MSL2: variants seen among roughly 807,000 people sequenced by gnomAD.
MSL2 encodes MSL complex subunit 2, also known as E3 ubiquitin-protein ligase MSL2.
A neutral mutation model predicts 35.8 loss-of-function variants in MSL2; 2 were observed. The observed-to-expected ratio is 0.06, with a 90% CI of 0.02 to 0.18. The LOEUF is 0.18. Among genes scored for constraint, MSL2 ranks in the 10% least tolerant of loss-of-function variants. The probability of loss-of-function intolerance (pLI) is 1.00; values close to 1 mark genes in which losing one functional copy is unlikely to be tolerated. For missense variants in MSL2, 523 were observed against 706.7 expected (o/e 0.74, Z 2.95); for synonymous variants, 296 against 255.7 (o/e 1.16, Z -1.50).
intron 1 of MSL2, among the ~76,000 whole-genome samples, chr3:136,169,606 G>A (rs1373585292): frequency 7.2e-5 from 11 of 151,846 alleles, no homozygotes; most frequent in African/African-American, 9.7e-5. Flanking sequence ...ACACCACCAC[G>A]CCCAGCTAAT....
In MSL2 at chr3:136,172,091, G is replaced by A. The variant is rs147350312; in HGVS notation, c.143-19353C>T. ...CTCCCAAAGGGCTGGGATTACAGGC[G>A]TGAGCCACCGCACCTGGCCTGTATA... On this transcript the variant is annotated intron_variant, in intron 1 of 1. Transcript: ENST00000309993. 1.7e-3 allele frequency among the ~76,000 whole-genome samples: 260 copies of A among 152,218 alleles called. 7 individuals carry two copies. In the East Asian group the frequency reaches 0.047, roughly 28 times the overall value.
intron 1 of MSL2, among the ~76,000 whole-genome samples, chr3:136,189,108 C>CAAAAAAAAAAAAA (rs372715974): frequency 7.8e-5 from 3 of 38,608 alleles, no homozygotes; most frequent in African/African-American, 3.0e-4. Context: ...CCTGTCTCTA[C>CAAAAAAAAAAAAA]AAAAAAAAAA....
rs754609551 is a variant in MSL2 at position 136,152,015 on chromosome 3, T to C, written c.866A>G (p.Asn289Ser). ...AGTGGCTTCCAAGTTCGGCTGCAAA[T>C]TAGGGCAACAGACCTCTGTATTTGA... is the stretch of plus-strand genomic sequence containing the variant. ...TVSNTEVCCP[N>S]LQPNLEATVS... The change falls in exon 2 of 2, where the codon AAT (asparagine) becomes AGT (serine). Residue 289 changes from asparagine to serine, a missense_variant. Coordinates refer to ENST00000309993, the MANE Select transcript of MSL2 (RefSeq NM_018133.4). The C allele has an allele frequency of 4.3e-6, 7 of 1,614,140 alleles. No homozygotes were observed. The highest frequency in any genetic ancestry group is 5.9e-6 in the Non-Finnish European group (7 of 1,180,016).
intron 1 of MSL2, among the ~76,000 whole-genome samples, chr3:136,180,909 G>T (rs976328972): frequency 1.3e-5 from 2 of 151,288 alleles, no homozygotes; most frequent in African/African-American, 4.9e-5. Context: ...TTTGCGGGGC[G>T]GGGGAGCAGA....
chr3:136,177,617 C>T (rs1305299817), intron 1 of MSL2, among the ~76,000 whole-genome samples: 3 of 148,154 alleles, frequency 2.0e-5, no homozygotes, highest in African/African-American at 7.5e-5. Flanking sequence ...AGGCAGAGCT[C>T]GCAGTGAGCT....
At chr3:136,155,134 G>A (rs909880207) in intron 1 of MSL2, among the ~76,000 whole-genome samples, 1 of 151,962 alleles carries the variant, frequency 6.6e-6, no homozygotes, top group African/African-American at 2.4e-5. Flanking sequence ...GCTTGAACCC[G>A]GGAGGCAGAG....
rs1940813485 is a variant in MSL2, at chr3:136,195,531, CG to C, written c.-419del. The stretch of plus-strand genomic sequence containing the variant: ...AGCTGGCAGGCGCGGGAGCAGGCCC[CG>C]GCCCCGTCTGAGGCGCGGCACGCTT... On this transcript the variant is annotated 5_prime_UTR_variant, in exon 1 of 2. Coordinates refer to ENST00000309993, the MANE Select transcript of MSL2 (RefSeq NM_018133.4). 2 of 1,006,628 alleles carry C rather than the reference CG, an allele frequency of 2.0e-6. No individual in the cohort carries two copies. Among genetic ancestry groups the C allele is most frequent in the Non-Finnish European group, 2.4e-6 (2 of 843,836 alleles). 62.4% of individuals were successfully genotyped at this position (1,006,628 alleles called of 1,614,324 possible).
chr3:136,192,056 C>T (rs1940704888), intron 1 of MSL2, among the ~76,000 whole-genome samples: 1 of 152,112 alleles, frequency 6.6e-6, no homozygotes, highest in Non-Finnish European at 1.5e-5. Flanking sequence ...AATGTCTTCC[C>T]TAAAAAGTTT....
intron 1 of MSL2, among the ~76,000 whole-genome samples, chr3:136,159,673 G>GA (rs1559959478): frequency 6.6e-6 from 1 of 151,742 alleles, no homozygotes; most frequent in Non-Finnish European, 1.5e-5. Context: ...CCTGGCCAAG[G>GA]AGAGTATTTT....
At chr3:136,181,554 A>C (rs374543327) in intron 1 of MSL2, among the ~76,000 whole-genome samples, 1 of 152,136 alleles carries the variant, frequency 6.6e-6, no homozygotes, top group South Asian at 2.1e-4. Flanking sequence ...AAGGTGAAGA[A>C]ATTGTTCTAA....
intron 1 of MSL2, among the ~76,000 whole-genome samples, chr3:136,181,386 C>G (rs1047980036): frequency 2.6e-5 from 4 of 152,110 alleles, no homozygotes; most frequent in Non-Finnish European, 4.4e-5. Context: ...GAATTATTAA[C>G]TGGTTACAGC....
At chr3:136,184,304 A>G (rs971315609) in intron 1 of MSL2, among the ~76,000 whole-genome samples, 1 of 150,438 alleles carries the variant, frequency 6.6e-6, no homozygotes, top group African/African-American at 2.5e-5. Flanking sequence ...TGAAAAAAAG[A>G]ATTCTATGGT....
Position 136,151,498 on chromosome 3 carries a change from C to T in MSL2, c.1383G>A (p.Gly461=), listed in dbSNP as rs769080390. 1 of 1,614,220 alleles carries T rather than the reference C, an allele frequency of 6.2e-7. No homozygotes were observed. The highest frequency in any genetic ancestry group is 8.5e-7 in the Non-Finnish European group (1 of 1,180,048). The stretch of plus-strand genomic sequence containing the variant: ...TTTGAGTAGCACGCCCACATTTACA[C>T]CCTTTCTTTTCCTGGGGTTTTTTGT... The part of the protein sequence containing the change: ...TVYKKPQEKK[G]CKCGRATQNP... Residue 461 remains glycine, a synonymous_variant, in exon 2 of 2, where the codon GGG becomes GGA. Coordinates refer to ENST00000309993, the MANE Select transcript of MSL2 (RefSeq NM_018133.4). The surrounding 1 kb of genome is among the most constrained non-coding windows in gnomAD (Gnocchi z 5.2).
At chr3:136,159,689 T>C (rs1342347780) in intron 1 of MSL2, among the ~76,000 whole-genome samples, 1 of 151,794 alleles carries the variant, frequency 6.6e-6, no homozygotes, top group Non-Finnish European at 1.5e-5. Context: ...ATTTTCAACA[T>C]ACCATGTGAA....
At position 136,149,677 on chromosome 3, in the gene MSL2, A is replaced by G. The variant is rs1939290434; in HGVS notation, c.*1470T>C. The stretch of plus-strand genomic sequence containing the variant: ...ACAGAAAATGACACCAGGATACACT[A>G]CAAAACAGAAGGAGGTGTCATCTGC... On this transcript the variant is annotated 3_prime_UTR_variant, in exon 2 of 2. Coordinates refer to ENST00000309993, the MANE Select transcript of MSL2 (RefSeq NM_018133.4). The G allele has an allele frequency of 6.6e-6, 1 of 152,042 alleles. No individual in the cohort carries two copies. Among genetic ancestry groups the G allele is most frequent in the Admixed American group, 6.6e-5 (1 of 15,248 alleles). 9.4% of individuals were successfully genotyped at this position (152,042 alleles called of 1,614,324 possible). A position where few individuals can be genotyped will look rare whatever the true frequency, so the allele number is the denominator to read the frequency against.
At chr3:136,167,917 A>G (rs1043665218) in intron 1 of MSL2, among the ~76,000 whole-genome samples, 1 of 152,218 alleles carries the variant, frequency 6.6e-6, no homozygotes, top group Non-Finnish European at 1.5e-5. Context: ...CATCCTACAA[A>G]AGACAGGAAA....
At chr3:136,171,813 ATAAT>A (rs1364881033) in intron 1 of MSL2, among the ~76,000 whole-genome samples, 3 of 152,182 alleles carry the variant, frequency 2.0e-5, no homozygotes, top group Admixed American at 6.5e-5. Flanking sequence ...GCATTTGGGT[ATAAT>A]TAATTTTCAC....
At chr3:136,185,723 C>G (rs531934815) in intron 1 of MSL2, among the ~76,000 whole-genome samples, 34 of 152,170 alleles carry the variant, frequency 2.2e-4, no homozygotes, top group African/African-American at 7.9e-4. Flanking sequence ...CCAGGCTGGT[C>G]TCAAACTCCT....
At chr3:136,176,732 G>A (rs1412515053) in intron 1 of MSL2, among the ~76,000 whole-genome samples, 2 of 151,760 alleles carry the variant, frequency 1.3e-5, no homozygotes, top group Admixed American at 6.6e-5. Flanking sequence ...TCCTTCTTTC[G>A]CCATGTGATA....
Sources: gnomAD v4.1 joint callset for allele counts (sites outside exome capture counted in the v4.1 genomes callset) on GRCh38, gnomAD v4.1.1 for gene constraint, Gnocchi (gnomAD v3.1) non-coding constraint, MANE v1.5 for transcripts, NCBI Gene and HGNC (gene_info 2026-07-23, HGNC 2026-07-21) for gene names.